CLVS1: variants seen among roughly 807,000 people sequenced by gnomAD.
The protein encoded by CLVS1 is clavesin-1.
In CLVS1, 10 loss-of-function variants were observed where a neutral mutation model predicts 33.1. The observed-to-expected ratio is 0.30, with a 90% CI of 0.19 to 0.51. The LOEUF (loss-of-function observed/expected upper bound fraction) is 0.51. Ranked by LOEUF, CLVS1 falls within the 20% of genes least tolerant of loss-of-function variation. The pLI is 0.97. For synonymous variants in CLVS1, 163 were observed against 166.1 expected (o/e 0.98, Z 0.14); for missense variants, 343 against 433.4 (o/e 0.79, Z 1.85).
At chr8:61,401,486 A>G (rs900747007) in intron 3 of CLVS1, among the ~76,000 whole-genome samples, 1 of 152,158 alleles carries the variant, frequency 6.6e-6, no homozygotes, top group African/African-American at 2.4e-5. Flanking sequence ...ACCTTATTTT[A>G]AAATCTTTAA....
intron 3 of CLVS1, among the ~76,000 whole-genome samples, chr8:61,401,014 A>G (rs1814728546): frequency 6.6e-6 from 1 of 151,470 alleles, no homozygotes; most frequent in Non-Finnish European, 1.5e-5. Flanking sequence ...TCTCTCTGCC[A>G]GTTTTGGTAT....
At chr8:61,092,004 T>C (rs1371701104) in intron 1 of CLVS1, among the ~76,000 whole-genome samples, 3 of 152,244 alleles carry the variant, frequency 2.0e-5, no homozygotes, top group Non-Finnish European at 2.9e-5. Context: ...TTCATCCTCA[T>C]GTTTACTTTC....
chr8:61,374,119 G>A (rs7012230), intron 2 of CLVS1, among the ~76,000 whole-genome samples: 98,035 of 152,060 alleles, frequency 0.64, 33,202 homozygotes, highest in Non-Finnish European at 0.75. Context: ...CATGAACAAG[G>A]GACAAAAAAT....
At chr8:61,229,748 G>A (rs1189936491) in intron 2 of CLVS1, among the ~76,000 whole-genome samples, 5 of 152,108 alleles carry the variant, frequency 3.3e-5, no homozygotes, top group Admixed American at 3.3e-4. Context: ...TTCCTGCCTC[G>A]GTCTTCCAAG....
At chr8:61,172,506 AAAAAT>A (rs1402714623) in intron 2 of CLVS1, among the ~76,000 whole-genome samples, 1 of 152,204 alleles carries the variant, frequency 6.6e-6, no homozygotes, top group Non-Finnish European at 1.5e-5. Flanking sequence ...TAAAAGTAGA[AAAAAT>A]AAAATAATAA....
intron 2 of CLVS1, among the ~76,000 whole-genome samples, chr8:61,133,475 T>G (rs893682152): frequency 1.3e-4 from 20 of 152,158 alleles, no homozygotes; most frequent in African/African-American, 3.9e-4. Context: ...TCCTTAGGGC[T>G]GTTTATGGAG....
At chr8:61,119,045 T>A (rs1805802056) in intron 1 of CLVS1, among the ~76,000 whole-genome samples, 1 of 152,206 alleles carries the variant, frequency 6.6e-6, no homozygotes, top group Non-Finnish European at 1.5e-5. Flanking sequence ...GCTTTATGAA[T>A]TTGGGTGCTC....
At chr8:61,038,417 C>T in the CLVS1 span, among the ~76,000 whole-genome samples, 5 of 149,346 alleles carry the variant, frequency 3.3e-5, no homozygotes, top group African/African-American at 1.2e-4. Context: ...CTAAAGCTTA[C>T]ACATTTCCTC....
chr8:61,081,419 G>A (rs553782796), intron 1 of CLVS1, among the ~76,000 whole-genome samples: 4 of 152,264 alleles, frequency 2.6e-5, no homozygotes, highest in South Asian at 4.1e-4. Flanking sequence ...ATCCTGAGCC[G>A]AAGCTTGCTG....
At chr8:61,093,433 T>C (rs1805289912) in intron 1 of CLVS1, among the ~76,000 whole-genome samples, 1 of 152,128 alleles carries the variant, frequency 6.6e-6, no homozygotes, top group African/African-American at 2.4e-5. Flanking sequence ...ACTGTGTGGG[T>C]CATTCAGGTT....
At chr8:60,990,619 A>C in the CLVS1 span, among the ~76,000 whole-genome samples, 1 of 152,176 alleles carries the variant, frequency 6.6e-6, no homozygotes, top group East Asian at 1.9e-4. Context: ...TTGAGAGAAT[A>C]GGATAGATGA....
chr8:61,300,810 C>T (rs1810401513), intron 2 of CLVS1: 1 of 152,554 alleles, frequency 6.6e-6, no homozygotes, highest in Non-Finnish European at 1.5e-5. Context: ...CATCATCTTT[C>T]TCATTCTACC....
At chr8:61,171,807 C>T (rs956166112) in intron 2 of CLVS1, among the ~76,000 whole-genome samples, 3 of 152,112 alleles carry the variant, frequency 2.0e-5, no homozygotes, top group African/African-American at 7.2e-5. Flanking sequence ...AAAACAGGCA[C>T]CACATGAACG....
the CLVS1 span, among the ~76,000 whole-genome samples, chr8:60,978,403 A>C: frequency 1.8e-4 from 28 of 152,344 alleles, no homozygotes; most frequent in African/African-American, 6.5e-4. Flanking sequence ...TAAACAAGGA[A>C]GAATGGAAAT....
chr8:61,292,441 A>T (rs1214749349), intron 1 of CLVS1: 1 of 455,910 alleles, frequency 2.2e-6, no homozygotes, highest in East Asian at 7.0e-5. Flanking sequence ...AATAGAGTTA[A>T]TGGCCGTTTT....
chr8:61,358,381 A>ATTTAGTCAT (rs1375653076), intron 2 of CLVS1, among the ~76,000 whole-genome samples: 2 of 152,184 alleles, frequency 1.3e-5, no homozygotes, highest in Non-Finnish European at 2.9e-5. Flanking sequence ...CATTATGCAT[A>ATTTAGTCAT]TTTAGTCATA....
At chr8:61,294,175 C>T (rs990121723) in intron 1 of CLVS1, among the ~76,000 whole-genome samples, 3 of 151,988 alleles carry the variant, frequency 2.0e-5, no homozygotes, top group Non-Finnish European at 4.4e-5. Context: ...TGTGAGGGCA[C>T]CGGTACTCAG....
chr8:60,967,763 C>T, the CLVS1 span: 1 of 450,756 alleles, frequency 2.2e-6, no homozygotes, highest in Admixed American at 2.4e-5. Flanking sequence ...CACCGGCATC[C>T]CTTTTGCTTT....
At chr8:61,253,575 G>T (rs888409796) in intron 2 of CLVS1, among the ~76,000 whole-genome samples, 5 of 151,980 alleles carry the variant, frequency 3.3e-5, no homozygotes, top group African/African-American at 1.2e-4. Flanking sequence ...ACGTAGATTT[G>T]GTCTTTTCAC....
Sources: allele counts gnomAD v4.1 joint callset (sites outside exome capture counted in the v4.1 genomes callset), GRCh38; gene constraint gnomAD v4.1.1; transcripts MANE v1.5; gene names NCBI Gene and HGNC (gene_info 2026-07-23, HGNC 2026-07-21).